The following OSBPL10 variants were observed in gnomAD, a reference collection of about 807,000 sequenced individuals.
The protein encoded by OSBPL10 is oxysterol-binding protein-related protein 10.
Under a neutral mutation model 81.7 loss-of-function variants are expected in OSBPL10, and 49 were observed. That is an observed-to-expected ratio of 0.60 (90% CI 0.48 to 0.76). The LOEUF is 0.76. Among genes scored for constraint, OSBPL10 ranks in the 30% least tolerant of loss-of-function variants. The pLI is 0.00. For missense variants in OSBPL10, 923 were observed against 987.8 expected (o/e 0.93, Z 0.88); for synonymous variants, 419 against 383.6 (o/e 1.09, Z -1.08).
At position 31,797,476 on chromosome 3, in the gene OSBPL10, T is replaced by C. The variant is rs184316779; in HGVS notation, c.729+32564A>G. ...AATGATCATCATCCTAGTATCATGG[T>C]GAAGCAATGGCGGCAAGGCAGGAGA... On this transcript the variant is annotated intron_variant, in intron 4 of 11. Transcript: ENST00000396556. Among the ~76,000 whole-genome samples, 410 of 152,308 alleles carry C rather than the reference T, an allele frequency of 2.7e-3. 1 individual carries two copies. Among genetic ancestry groups the C allele is most frequent in the Non-Finnish European group, 4.4e-3 (298 of 68,022 alleles).
intron 4 of OSBPL10, among the ~76,000 whole-genome samples, chr3:31,778,884 T>C (rs919272350): frequency 6.6e-6 from 1 of 152,162 alleles, no homozygotes; most frequent in Admixed American, 6.5e-5. Flanking sequence ...GAAACCCTTA[T>C]TAGCCAGAAG....
In OSBPL10 at chr3:31,708,632, T is replaced by C. The variant is rs138314763; in HGVS notation, c.1096-6124A>G. 1.9e-3 allele frequency: 1,555 copies of C among 804,130 alleles called. 21 individuals are homozygous for C. The African/African-American group carries it at 0.025, about 13-fold the overall frequency. The allele number at this position is 804,130 out of a possible 1,614,324, so 49.8% of individuals were successfully genotyped here. ...GTGCAAGGCATTCACTACTACATGC[T>C]TGGAAAAAGTATCTCCCCTGAGGAC... On this transcript the variant is annotated intron_variant, in intron 6 of 11. Transcript: ENST00000396556.
At chr3:31,758,624 T>G (rs1001385389) in intron 4 of OSBPL10, among the ~76,000 whole-genome samples, 1 of 152,222 alleles carries the variant, frequency 6.6e-6, no homozygotes, top group Non-Finnish European at 1.5e-5. Flanking sequence ...CTGGCCAGTC[T>G]ATGGAGGATG....
intron 6 of OSBPL10, among the ~76,000 whole-genome samples, chr3:31,723,481 G>A (rs1478658601): frequency 6.6e-6 from 1 of 151,458 alleles, no homozygotes; most frequent in Non-Finnish European, 1.5e-5. Context: ...CATAAGATCT[G>A]AAAAACACTG....
At chr3:31,965,461 TATATA>T (rs1365819550) in intron 1 of OSBPL10, among the ~76,000 whole-genome samples, 1 of 91,876 alleles carries the variant, frequency 1.1e-5, no homozygotes, top group Non-Finnish European at 1.8e-5. Flanking sequence ...ATATATAATT[TATATA>T]ATATATATTA....
At chr3:31,731,403 T>C (rs1044756546) in intron 6 of OSBPL10, among the ~76,000 whole-genome samples, 3 of 152,168 alleles carry the variant, frequency 2.0e-5, no homozygotes, top group African/African-American at 7.2e-5. Context: ...TGACTGTCTC[T>C]ACTTTAATGA....
intron 1 of OSBPL10, among the ~76,000 whole-genome samples, chr3:31,900,970 G>T (rs147169739): frequency 6.5e-4 from 99 of 152,266 alleles, no homozygotes; most frequent in South Asian, 6.2e-3. Context: ...TTGATTAAGG[G>T]AAGCTGGGAA....
At chr3:31,747,786 C>G in intron 5 of OSBPL10, 124 bp downstream of exon 5, 2 of 1,000,716 alleles carry the variant, frequency 2.0e-6, no homozygotes, top group Non-Finnish European at 3.1e-6. Flanking sequence ...AGTAGAAATA[C>G]TTGGATATAA....
Position 31,664,174 on chromosome 3 carries a change from C to G in OSBPL10, c.2155G>C (p.Glu719Gln). 6 of 1,613,536 alleles carry G rather than the reference C, an allele frequency of 3.7e-6. No homozygotes were observed. The highest frequency in any genetic ancestry group is 5.1e-6 in the Non-Finnish European group (6 of 1,180,008). ...TTCTCCTCCAGGTGCCGCTTCTGCT[C>G]GGTGGCTGCGTCAATGTCCCCCAGC... ...LRLGDIDAAT[E>Q]QKRHLEEKQR... The change falls in exon 11 of 12, where the codon GAG becomes CAG. Residue 719 changes from glutamate to glutamine, a missense_variant. Coordinates refer to ENST00000396556, the MANE Select transcript of OSBPL10 (RefSeq NM_017784.5).
At chr3:31,727,678 T>A (rs1696851185) in intron 6 of OSBPL10, among the ~76,000 whole-genome samples, 1 of 152,146 alleles carries the variant, frequency 6.6e-6, no homozygotes, top group East Asian at 1.9e-4. Context: ...TGCCACCTGT[T>A]TCAAACAAAC....
At chr3:31,686,965 G>T (rs1451775727) in intron 7 of OSBPL10, among the ~76,000 whole-genome samples, 1 of 152,050 alleles carries the variant, frequency 6.6e-6, no homozygotes, top group Non-Finnish European at 1.5e-5. Flanking sequence ...ATCACCCAAG[G>T]GCTCCCCTAT....
intron 3 of OSBPL10, among the ~76,000 whole-genome samples, chr3:31,864,763 G>A (rs1250825047): frequency 2.6e-5 from 4 of 152,140 alleles, no homozygotes; most frequent in Non-Finnish European, 5.9e-5. Flanking sequence ...CCAAGATAAA[G>A]TTTTGGACTT....
chr3:31,831,354 C>A (rs535982899), intron 3 of OSBPL10, among the ~76,000 whole-genome samples: 2 of 150,570 alleles, frequency 1.3e-5, no homozygotes, highest in South Asian at 4.2e-4. Context: ...TGCAGTGAGC[C>A]GAGATCGTGC....
chr3:32,074,916 T>C (rs1699861328), intron 1 of OSBPL10, among the ~76,000 whole-genome samples: 1 of 152,212 alleles, frequency 6.6e-6, no homozygotes, highest in South Asian at 2.1e-4. Flanking sequence ...ACCTGCCAAC[T>C]GGACAAGCAC....
intron 1 of OSBPL10, among the ~76,000 whole-genome samples, chr3:31,954,065 T>C (rs1434739822): frequency 6.6e-6 from 1 of 152,218 alleles, no homozygotes; most frequent in Non-Finnish European, 1.5e-5. Flanking sequence ...GTCAAAATCC[T>C]CAACAACAAA....
chr3:31,821,706 T>C (rs923524815), intron 4 of OSBPL10, among the ~76,000 whole-genome samples: 4 of 152,230 alleles, frequency 2.6e-5, no homozygotes, highest in African/African-American at 9.6e-5. Context: ...GGAAAATTAA[T>C]TAAGGACCTT....
intron 4 of OSBPL10, among the ~76,000 whole-genome samples, chr3:31,765,509 T>G (rs1371554406): frequency 1.3e-5 from 2 of 151,492 alleles, no homozygotes; most frequent in African/African-American, 4.8e-5. Flanking sequence ...AATGAATGAA[T>G]GAATGAATGA....
At chr3:31,822,476 CAT>C (rs1163102961) in intron 4 of OSBPL10, among the ~76,000 whole-genome samples, 1 of 152,054 alleles carries the variant, frequency 6.6e-6, no homozygotes, top group African/African-American at 2.4e-5. Context: ...TCAGTATAAA[CAT>C]GTATTAGGGT....
upstream of OSBPL10, among the ~76,000 whole-genome samples, chr3:31,984,655 T>C (rs1698908534): frequency 6.6e-6 from 1 of 152,206 alleles, no homozygotes; most frequent in Non-Finnish European, 1.5e-5. Context: ...CAGATTATCA[T>C]TTAACTATGC....
Sources: allele counts gnomAD v4.1 joint callset (sites outside exome capture counted in the v4.1 genomes callset), GRCh38; gene constraint gnomAD v4.1.1; transcripts MANE v1.5; gene names NCBI Gene and HGNC (gene_info 2026-07-23, HGNC 2026-07-21).